The following SLC2A13 variants were observed in gnomAD, a reference collection of about 807,000 sequenced individuals.
The protein encoded by SLC2A13 is proton myo-inositol cotransporter.
A neutral mutation model predicts 64.4 loss-of-function variants in SLC2A13; 32 were observed. The ratio of observed to expected loss-of-function variants is 0.50; its 90% CI spans 0.37 to 0.67. The LOEUF is 0.67. SLC2A13 is among the 30% of genes least tolerant of loss of function. The pLI is 0.00. For missense variants in SLC2A13, 743 were observed against 829.2 expected (o/e 0.90, Z 1.28); for synonymous variants, 338 against 327.1 (o/e 1.03, Z -0.36).
At chr12:40,052,052 G>A (rs899833625) in intron 1 of SLC2A13, among the ~76,000 whole-genome samples, 1 of 152,150 alleles carries the variant, frequency 6.6e-6, no homozygotes, top group African/African-American at 2.4e-5. Flanking sequence ...AGGATAAAGA[G>A]AGAAGGAAGC....
At chr12:39,951,801 G>T (rs531625536) in intron 3 of SLC2A13, among the ~76,000 whole-genome samples, 60 of 152,192 alleles carry the variant, frequency 3.9e-4, no homozygotes, top group African/African-American at 1.4e-3. Context: ...CGTAAGAAAA[G>T]CATTCATTAA....
intron 1 of SLC2A13, among the ~76,000 whole-genome samples, chr12:40,089,862 A>T (rs1683010108): frequency 6.6e-6 from 1 of 152,146 alleles, no homozygotes; most frequent in Non-Finnish European, 1.5e-5. Flanking sequence ...CATAACAGCC[A>T]TTTAGCTTGC....
chr12:39,986,662 C>CA lies in SLC2A13; in HGVS notation c.926-35298dup, dbSNP rs149538795. 9.5e-4 allele frequency among the ~76,000 whole-genome samples: 107 copies of CA among 112,296 alleles called. 2 individuals carry two copies. Among genetic ancestry groups the CA allele is most frequent in the Middle Eastern group, 4.9e-3 (1 of 206 alleles). The allele number at this position is 112,296 out of a possible 152,430, so 73.7% of individuals were successfully genotyped here. On this transcript the variant is annotated intron_variant, in intron 3 of 9. Transcript: ENST00000280871. ...GTATTTAACCTGTATTTAAGCAGAC[C>CA]AAAAAAAAAAAGATTTTTTAAATGT...
chr12:40,085,626 A>C (rs1938565597), intron 1 of SLC2A13, among the ~76,000 whole-genome samples: 1 of 152,188 alleles, frequency 6.6e-6, no homozygotes, highest in South Asian at 2.1e-4. Context: ...TTTTATACTC[A>C]CAGTGTCCAT....
intron 1 of SLC2A13, among the ~76,000 whole-genome samples, chr12:40,086,262 G>A (rs1238787237): frequency 1.3e-5 from 2 of 152,000 alleles, no homozygotes; most frequent in Non-Finnish European, 2.9e-5. Flanking sequence ...GCATGGGAGG[G>A]TATTTTTTTT....
At chr12:39,836,302 T>C (rs1042921409) in intron 6 of SLC2A13, among the ~76,000 whole-genome samples, 1 of 152,028 alleles carries the variant, frequency 6.6e-6, no homozygotes, top group Non-Finnish European at 1.5e-5. Context: ...GAAACTCAAA[T>C]AGAGGAAATT....
chr12:40,066,317 G>A (rs1201015078), intron 1 of SLC2A13, among the ~76,000 whole-genome samples: 1 of 152,096 alleles, frequency 6.6e-6, no homozygotes, highest in Non-Finnish European at 1.5e-5. Context: ...ACATATTCTT[G>A]CTAGTTCTAC....
chr12:39,983,882 A>T (rs1298616182), intron 3 of SLC2A13, among the ~76,000 whole-genome samples: 2 of 145,022 alleles, frequency 1.4e-5, no homozygotes, highest in Non-Finnish European at 3.0e-5. Flanking sequence ...ATGCACACGT[A>T]TGTTTATTGC....
intron 7 of SLC2A13, among the ~76,000 whole-genome samples, chr12:39,794,529 A>G (rs1456401957): frequency 6.6e-6 from 1 of 152,220 alleles, no homozygotes; most frequent in Non-Finnish European, 1.5e-5. Context: ...GTCTCAGCCA[A>G]TCGCAGTAGC....
intron 7 of SLC2A13, among the ~76,000 whole-genome samples, chr12:39,828,202 TG>T (rs1480449827): frequency 6.6e-6 from 1 of 152,202 alleles, no homozygotes; most frequent in African/African-American, 2.4e-5. Context: ...CCAATAGCAG[TG>T]GTCCACCTAG....
chr12:39,778,352 A>T (rs1940852321), intron 7 of SLC2A13, among the ~76,000 whole-genome samples: 1 of 152,122 alleles, frequency 6.6e-6, no homozygotes, highest in African/African-American at 2.4e-5. Context: ...AGCCACTGAG[A>T]TCCAACTTAT....
chr12:40,084,892 T>C (rs534067432), intron 1 of SLC2A13, among the ~76,000 whole-genome samples: 1 of 152,158 alleles, frequency 6.6e-6, no homozygotes, highest in African/African-American at 2.4e-5. Context: ...AGCTTCAGGA[T>C]AAGGGTTGGT....
chr12:40,046,563 A>G (rs1474088803), intron 2 of SLC2A13, among the ~76,000 whole-genome samples: 1 of 152,148 alleles, frequency 6.6e-6, no homozygotes, highest in Non-Finnish European at 1.5e-5. Flanking sequence ...TTGCATTTAC[A>G]AGAAAAACTC....
chr12:39,808,324 T>A (rs1942039916), intron 7 of SLC2A13, among the ~76,000 whole-genome samples: 1 of 152,148 alleles, frequency 6.6e-6, no homozygotes, highest in African/African-American at 2.4e-5. Context: ...TATGGGTGTA[T>A]CATAATTTGT....
intron 3 of SLC2A13, among the ~76,000 whole-genome samples, chr12:39,972,019 T>TATATATATATATATATATATATA (rs1565569195): frequency 7.0e-5 from 1 of 14,290 alleles, no homozygotes. Flanking sequence ...TATATATTTT[T>TATATATATATATATATATATATA]TTTTATATAA....
intron 4 of SLC2A13, among the ~76,000 whole-genome samples, chr12:39,896,296 GTATATATGTA>G (rs1944862653): frequency 8.4e-6 from 1 of 118,432 alleles, no homozygotes; most frequent in African/African-American, 3.2e-5. Flanking sequence ...GTATATGTGT[GTATATATGTA>G]TACATATATG....
intron 4 of SLC2A13, among the ~76,000 whole-genome samples, chr12:39,920,808 CCACA>C (rs1945602805): frequency 6.6e-6 from 1 of 151,992 alleles, no homozygotes; most frequent in African/African-American, 2.4e-5. Flanking sequence ...ATGCACATAC[CCACA>C]CACACCTGAC....
intron 3 of SLC2A13, among the ~76,000 whole-genome samples, chr12:40,021,712 T>C (rs1328178806): frequency 6.6e-6 from 1 of 152,196 alleles, no homozygotes. Context: ...CCATGCATTG[T>C]TTTGGGTCAG....
At position 39,895,793 on chromosome 12, in the gene SLC2A13, C is replaced by CAT. The variant is rs367585888; in HGVS notation, c.1035-23834_1035-23833dup. On this transcript the variant is annotated intron_variant, in intron 4 of 9. Coordinates refer to ENST00000280871, the MANE Select transcript of SLC2A13 (RefSeq NM_052885.4). The stretch of plus-strand genomic sequence containing the variant: ...ATGTATATGCGTGTATACGTACACA[C>CAT]ATGTATATGCGTGTATACGTACACA... 1.5e-3 allele frequency among the ~76,000 whole-genome samples: 29 copies of CAT among 19,088 alleles called. 9 individuals are homozygous for CAT. The highest frequency in any genetic ancestry group is 2.3e-3 in the Admixed American group (4 of 1,752). 12.5% of individuals were successfully genotyped at this position (19,088 alleles called of 152,430 possible).
Sources: allele counts gnomAD v4.1 joint callset (sites outside exome capture counted in the v4.1 genomes callset), GRCh38; gene constraint gnomAD v4.1.1; transcripts MANE v1.5; gene names NCBI Gene and HGNC (gene_info 2026-07-23, HGNC 2026-07-21).